TMEM150A: variants seen among roughly 807,000 people sequenced by gnomAD.
TMEM150A encodes the protein fasting-inducible integral membrane protein TM6P1.
Under a neutral mutation model 29.8 loss-of-function variants are expected in TMEM150A, and 18 were observed. The ratio of observed to expected loss-of-function variants is 0.60; its 90% CI spans 0.42 to 0.90. The LOEUF (loss-of-function observed/expected upper bound fraction) is 0.90, where lower values mean the gene tolerates loss of function less well. Among genes scored for constraint, TMEM150A ranks in the 40% least tolerant of loss-of-function variants. TMEM150A has a pLI of 0.00. For synonymous variants in TMEM150A, 127 were observed against 143.6 expected, an observed-to-expected ratio of 0.88 and a Z score of 0.83; for missense variants, 251 against 349.7, an observed-to-expected ratio of 0.72 and a Z score of 2.25.
chr2:85,598,798 T>G lies in TMEM150A; in HGVS notation c.*278A>C. On this transcript the variant is annotated 3_prime_UTR_variant, in exon 8 of 8. Transcript: ENST00000334462. ...AGTGGTCTGGCTTTGGCACTGGGAG[T>G]AGAAGGCACCTGAAGGGCTGGCTGG... The G allele has an allele frequency of 2.4e-6, 1 of 412,298 alleles. No individual in the cohort carries two copies. Among genetic ancestry groups the G allele is most frequent in the Non-Finnish European group, 4.5e-6 (1 of 220,098 alleles). The allele number at this position is 412,298 out of a possible 1,614,324, so 25.5% of individuals were successfully genotyped here. A position where few individuals can be genotyped will look rare whatever the true frequency, so the allele number is the denominator to read the frequency against.
Position 85,602,297 on chromosome 2 carries a change from C to T in TMEM150A, c.-116-233G>A, listed in dbSNP as rs971351140. On this transcript the variant is annotated intron_variant, in intron 1 of 7. Coordinates refer to ENST00000334462, the MANE Select transcript of TMEM150A (RefSeq NM_001031738.3). The surrounding 1 kb of genome is among the most constrained non-coding windows in gnomAD (Gnocchi z 5.6). ...CCGTAACATCTGGAAGGGAGTTACCCTCCTTCTGAGGGACCAGGGCTGGGA... is the reference window on the plus strand; with the variant it reads ...CCGTAACATCTGGAAGGGAGTTACCTTCCTTCTGAGGGACCAGGGCTGGGA... 1.3e-5 allele frequency: 3 copies of T among 230,128 alleles called. No homozygotes were observed. The highest frequency in any genetic ancestry group is 2.7e-5 in the Non-Finnish European group (3 of 112,992). 14.3% of individuals were successfully genotyped at this position (230,128 alleles called of 1,614,324 possible).
chr2:85,601,623 T>C lies in TMEM150A; in HGVS notation c.66-141A>G. 1 of 961,566 alleles carries C rather than the reference T, an allele frequency of 1.0e-6. No individual in the cohort carries two copies. The highest frequency in any genetic ancestry group is 1.6e-6 in the Non-Finnish European group (1 of 639,068). The allele number at this position is 961,566 out of a possible 1,614,324, so 59.6% of individuals were successfully genotyped here. A position where few individuals can be genotyped will look rare whatever the true frequency, so the allele number is the denominator to read the frequency against. On this transcript the variant is annotated intron_variant, in intron 2 of 7. Coordinates refer to ENST00000334462, the MANE Select transcript of TMEM150A (RefSeq NM_001031738.3). The surrounding 1 kb of genome is among the most constrained non-coding windows in gnomAD (Gnocchi z 4.0). ...GGACTCAAGTTGAGGTCCCTAAGGC[T>C]TGATGCCACACCAGCACCTGCAGCA...
chr2:85,599,498 C>A lies in TMEM150A; in HGVS notation c.574+27G>T. On this transcript the variant is annotated intron_variant, in intron 7 of 7. Transcript: ENST00000334462. The surrounding 1 kb of genome is among the most constrained non-coding windows in gnomAD (Gnocchi z 6.0). ...GAAAGGTTGAGCTAGAGGATGAGTT[C>A]CTGGCTGCCCCGTCCTGAAAGGATA... 1 of 1,593,470 alleles carries A rather than the reference C, an allele frequency of 6.3e-7. No homozygotes were observed. Among genetic ancestry groups the A allele is most frequent in the South Asian group, 1.1e-5 (1 of 88,042 alleles).
rs773213370 is a variant in TMEM150A at position 85,599,372 on chromosome 2, C to A, written c.575-55G>T. 6.2e-7 allele frequency: 1 copy of A among 1,603,834 alleles called. No homozygotes were observed. The highest frequency in any genetic ancestry group is 1.3e-5 in the African/African-American group (1 of 74,724). ...GGACATACGGAAACCTGGCAACACC[C>A]CTTCTGCAGTCTCAGGCCTCACCTC... On this transcript the variant is annotated intron_variant, in intron 7 of 7. Coordinates refer to ENST00000334462, the MANE Select transcript of TMEM150A (RefSeq NM_001031738.3). The surrounding 1 kb of genome is among the most constrained non-coding windows in gnomAD (Gnocchi z 6.0).
rs1672799498 is a variant in TMEM150A, at chr2:85,599,351, A to C, written c.575-34T>G. 6.2e-7 allele frequency: 1 copy of C among 1,610,328 alleles called. No homozygotes were observed. Among genetic ancestry groups the C allele is most frequent in the East Asian group, 2.2e-5 (1 of 44,788 alleles). On this transcript the variant is annotated intron_variant, in intron 7 of 7. Coordinates refer to ENST00000334462, the MANE Select transcript of TMEM150A (RefSeq NM_001031738.3). The surrounding 1 kb of genome is among the most constrained non-coding windows in gnomAD (Gnocchi z 6.0). ...AGGCTAAGGAAATGTTCAGTAGGACATACGGAAACCTGGCAACACCCCTTC... is the reference window on the plus strand; with the variant it reads ...AGGCTAAGGAAATGTTCAGTAGGACCTACGGAAACCTGGCAACACCCCTTC...
At chr2:85,600,999 C>T (rs754172911) in intron 4 of TMEM150A, 22 bp downstream of exon 4, 8 of 1,608,546 alleles carry the variant, frequency 5.0e-6, no homozygotes, top group South Asian at 2.2e-5. Flanking sequence ...TCTCCCTGAC[C>T]GGCCCAATGT....
In TMEM150A at chr2:85,601,833, T is replaced by C. The variant is rs774637295; in HGVS notation, c.65+51A>G. On this transcript the variant is annotated intron_variant, in intron 2 of 7. Coordinates refer to ENST00000334462, the MANE Select transcript of TMEM150A (RefSeq NM_001031738.3). This position sits in a 1 kb window ranked among gnomAD's most constrained non-coding sequence, Gnocchi z 4.0. ...GTGGCTATGACAGGACAAGAGACTT[T>C]GTGTGCGTCATCAAGCTCCTGTTGC... 3.5e-5 allele frequency: 56 copies of C among 1,598,608 alleles called. No individual in the cohort carries two copies. In the Admixed American group the frequency reaches 4.8e-4, roughly 14 times the overall value.
In TMEM150A at chr2:85,598,783, C is replaced by T. The variant is rs1672759813; in HGVS notation, c.*293G>A. On this transcript the variant is annotated 3_prime_UTR_variant, in exon 8 of 8. Transcript: ENST00000334462. ...GCAGCAGGAAACCCCAGTGGTCTGG[C>T]TTTGGCACTGGGAGTAGAAGGCACC... 5.2e-6 allele frequency: 2 copies of T among 385,582 alleles called. No homozygotes were observed. The highest frequency in any genetic ancestry group is 9.8e-6 in the Non-Finnish European group (2 of 203,144). 23.9% of individuals were successfully genotyped at this position (385,582 alleles called of 1,614,324 possible).
chr2:85,600,023 G>A lies in TMEM150A; in HGVS notation c.269-5C>T. 1 of 1,611,838 alleles carries A rather than the reference G, an allele frequency of 6.2e-7. No homozygotes were observed. Among genetic ancestry groups the A allele is most frequent in the Non-Finnish European group, 8.5e-7 (1 of 1,179,960 alleles). On this transcript the variant is annotated splice_polypyrimidine_tract_variant and splice_region_variant and intron_variant, in intron 5 of 7. Transcript: ENST00000334462. ...GCAGGAGGCAGATCAGGGCCACTGG[G>A]GGAGGAGAGCACAGTTGAGGCCTTC...
Position 85,599,515 on chromosome 2 carries a change from G to A in TMEM150A, c.574+10C>T, listed in dbSNP as rs764816529. On this transcript the variant is annotated intron_variant, in intron 7 of 7. Transcript: ENST00000334462. This position sits in a 1 kb window ranked among gnomAD's most constrained non-coding sequence, Gnocchi z 6.0. The stretch of plus-strand genomic sequence containing the variant: ...GATGAGTTCCTGGCTGCCCCGTCCT[G>A]AAAGGATACTGAGGACCAGGGTGAT... 1 of 1,607,306 alleles carries A rather than the reference G, an allele frequency of 6.2e-7. No homozygotes were observed. The highest frequency in any genetic ancestry group is 1.1e-5 in the South Asian group (1 of 90,366).
At position 85,601,737 on chromosome 2, in the gene TMEM150A, G is replaced by T; in HGVS notation, c.65+147C>A. ...TGCTGGACAGCAGTGGTGCCAGCTT[G>T]TCCCAAGGGGCTGTGTGCCCAGGCA... On this transcript the variant is annotated intron_variant, in intron 2 of 7. Coordinates refer to ENST00000334462, the MANE Select transcript of TMEM150A (RefSeq NM_001031738.3). This position sits in a 1 kb window ranked among gnomAD's most constrained non-coding sequence, Gnocchi z 4.0. 1.0e-6 allele frequency: 1 copy of T among 1,001,752 alleles called. No homozygotes were observed. The highest frequency in any genetic ancestry group is 2.4e-5 in the East Asian group (1 of 41,714). 62.1% of individuals were successfully genotyped at this position (1,001,752 alleles called of 1,614,324 possible).
Position 85,601,749 on chromosome 2 carries a change from T to C in TMEM150A, c.65+135A>G. ...GTGGTGCCAGCTTGTCCCAAGGGGC[T>C]GTGTGCCCAGGCACCAAGTCAGGCT... On this transcript the variant is annotated intron_variant, in intron 2 of 7. Transcript: ENST00000334462. This position sits in a 1 kb window ranked among gnomAD's most constrained non-coding sequence, Gnocchi z 4.0. 9.3e-7 allele frequency: 1 copy of C among 1,073,066 alleles called. No individual in the cohort carries two copies. The highest frequency in any genetic ancestry group is 1.4e-6 in the Non-Finnish European group (1 of 714,152). The allele number at this position is 1,073,066 out of a possible 1,614,324, so 66.5% of individuals were successfully genotyped here.
chr2:85,600,232 C>A, intron 5 of TMEM150A, 113 bp downstream of exon 5: 2 of 1,371,494 alleles, frequency 1.5e-6, no homozygotes, highest in Non-Finnish European at 2.0e-6. Flanking sequence ...GAGAAGCTGC[C>A]TCTATTGCCT....
Position 85,601,987 on chromosome 2 carries a change from G to T in TMEM150A, c.-39C>A. On this transcript the variant is annotated 5_prime_UTR_variant, in exon 2 of 8. Transcript: ENST00000334462. This position sits in a 1 kb window ranked among gnomAD's most constrained non-coding sequence, Gnocchi z 4.0. Reference sequence around the variant, plus strand: ...CAGGGTGGTGGTGGTGTTGGGGGGAGGACAAGAGGTAGATGGGGAAGTGGG... The same window carrying T: ...CAGGGTGGTGGTGGTGTTGGGGGGATGACAAGAGGTAGATGGGGAAGTGGG... 6.2e-7 allele frequency: 1 copy of T among 1,605,962 alleles called. No homozygotes were observed. The highest frequency in any genetic ancestry group is 1.1e-5 in the South Asian group (1 of 90,856).
In TMEM150A at chr2:85,599,664, G is replaced by A. The variant is rs371389252; in HGVS notation, c.435C>T (p.Gly145=). 1.3e-5 allele frequency: 21 copies of A among 1,613,440 alleles called. No homozygotes were observed. In the African/African-American group the frequency reaches 1.9e-4, roughly 14 times the overall value. ...AGAGCAGCCCCGCAGGGAAGGCCAC[G>A]CCAGCTCCAACGTAGTGCAGAGACC... ...HARSLHYVGA[G]VAFPAGLLFV... Residue 145 remains glycine, a synonymous_variant, in exon 7 of 8, where the codon GGC becomes GGT. Transcript: ENST00000334462. The surrounding 1 kb of genome is among the most constrained non-coding windows in gnomAD (Gnocchi z 6.0).
At chr2:85,600,598 A>T (rs766005785) in intron 4 of TMEM150A, 186 bp from the exon 5 acceptor site, 1 of 607,510 alleles carries the variant, frequency 1.6e-6, no homozygotes, top group South Asian at 1.9e-5. Context: ...AGCAGAGCTC[A>T]TGTGTGTGAG....
At position 85,602,188 on chromosome 2, in the gene TMEM150A, A is replaced by C; in HGVS notation, c.-116-124T>G. 2.0e-6 allele frequency: 1 copy of C among 488,534 alleles called. No homozygotes were observed. The highest frequency in any genetic ancestry group is 3.8e-6 in the Non-Finnish European group (1 of 265,312). 30.3% of individuals were successfully genotyped at this position (488,534 alleles called of 1,614,324 possible). On this transcript the variant is annotated intron_variant, in intron 1 of 7. Transcript: ENST00000334462. The surrounding 1 kb of genome is among the most constrained non-coding windows in gnomAD (Gnocchi z 5.6). ...AGCGTCCAAAGTTTGGGCTGAGCCC[A>C]CGGCAGAACGTGAACACCCTCTGGC...
In TMEM150A at chr2:85,602,155, G is replaced by C; in HGVS notation, c.-116-91C>G. 1 of 532,870 alleles carries C rather than the reference G, an allele frequency of 1.9e-6. No individual in the cohort carries two copies. Among genetic ancestry groups the C allele is most frequent in the Non-Finnish European group, 3.4e-6 (1 of 291,716 alleles). 33.0% of individuals were successfully genotyped at this position (532,870 alleles called of 1,614,324 possible). The stretch of plus-strand genomic sequence containing the variant: ...AACACCTTATCCAGCGCTCCCGTTG[G>C]GTCTCTGAGCGTCCAAAGTTTGGGC... On this transcript the variant is annotated intron_variant, in intron 1 of 7. Coordinates refer to ENST00000334462, the MANE Select transcript of TMEM150A (RefSeq NM_001031738.3). The surrounding 1 kb of genome is among the most constrained non-coding windows in gnomAD (Gnocchi z 5.6).
chr2:85,599,019 G>C lies in TMEM150A; in HGVS notation c.*57C>G, dbSNP rs1672773789. The C allele has an allele frequency of 1.9e-6, 3 of 1,578,050 alleles. No homozygotes were observed. Among genetic ancestry groups the C allele is most frequent in the Non-Finnish European group, 2.6e-6 (3 of 1,159,836 alleles). On this transcript the variant is annotated 3_prime_UTR_variant, in exon 8 of 8. Coordinates refer to ENST00000334462, the MANE Select transcript of TMEM150A (RefSeq NM_001031738.3). The surrounding 1 kb of genome is among the most constrained non-coding windows in gnomAD (Gnocchi z 6.0). ...AATTGTTTTTGGTACGAAATAAATG[G>C]AAAGAAGATATGGGGTGGGGTGCTG...
Sources: allele counts gnomAD v4.1 joint callset, GRCh38; gene constraint gnomAD v4.1.1; non-coding constraint Gnocchi (gnomAD v3.1); transcripts MANE v1.5; gene names NCBI Gene and HGNC (gene_info 2026-07-23, HGNC 2026-07-21).